The following DOCK1 variants were observed in gnomAD, a reference collection of about 807,000 sequenced individuals.
DOCK1 encodes the protein dedicator of cytokinesis protein 1.
DOCK1 carries 138 observed loss-of-function variants against 262.7 expected under a neutral mutation model. The observed-to-expected ratio is 0.53, with a 90% CI of 0.46 to 0.61. DOCK1 has a LOEUF of 0.61. Among genes scored for constraint, DOCK1 ranks in the 20% least tolerant of loss-of-function variants. The pLI, the probability that DOCK1 is intolerant of heterozygous loss-of-function variation, is 0.00. For synonymous variants in DOCK1, 866 were observed against 867.4 expected, an observed-to-expected ratio of 1.00 and a Z score of 0.03; for missense variants, 1,908 against 2,370.7, an observed-to-expected ratio of 0.80 and a Z score of 4.05.
intron 32 of DOCK1, 50 bp downstream of exon 32, chr10:127,354,777 G>A (rs1311472119): frequency 6.2e-7 from 1 of 1,610,632 alleles, no homozygotes; most frequent in Admixed American, 1.7e-5. Context: ...ATCCCTGGTG[G>A]GTCATGGCAC....
At chr10:127,408,966 C>T in intron 40 of DOCK1, 71 bp from the exon 41 acceptor site, 1 of 1,490,266 alleles carries the variant, frequency 6.7e-7, no homozygotes, top group Non-Finnish European at 8.9e-7. Context: ...ATTTTAAGGC[C>T]AGCATATTGC....
intron 1 of DOCK1, among the ~76,000 whole-genome samples, chr10:126,930,042 T>A (rs918084073): frequency 1.3e-5 from 2 of 152,212 alleles, no homozygotes; most frequent in Non-Finnish European, 2.9e-5. Flanking sequence ...TCCTGGTTAG[T>A]TCATAAAAAT....
chr10:127,384,970 G>T, intron 38 of DOCK1, 61 bp downstream of exon 38: 1 of 1,442,156 alleles, frequency 6.9e-7, no homozygotes, highest in Non-Finnish European at 9.1e-7. Context: ...CTGCAGTGTT[G>T]TAAACACGTT....
chr10:127,293,946 T>C (rs935774560), intron 29 of DOCK1, among the ~76,000 whole-genome samples: 17 of 152,328 alleles, frequency 1.1e-4, no homozygotes, highest in Admixed American at 9.8e-4. Context: ...ACCCGCCTAG[T>C]CATCTGATCT....
At chr10:127,081,701 A>G (rs1449498248) in intron 23 of DOCK1, among the ~76,000 whole-genome samples, 4 of 152,178 alleles carry the variant, frequency 2.6e-5, no homozygotes, top group Non-Finnish European at 4.4e-5. Flanking sequence ...GTCCTGGTTC[A>G]GAACAGGCAG....
chr10:126,962,056 G>A (rs1339877053), intron 1 of DOCK1, among the ~76,000 whole-genome samples: 3 of 152,116 alleles, frequency 2.0e-5, no homozygotes, highest in Non-Finnish European at 4.4e-5. Flanking sequence ...GGGGTGCAGT[G>A]GTGCGCTCTC....
intron 2 of DOCK1, among the ~76,000 whole-genome samples, chr10:126,977,315 A>G (rs1055928854): frequency 6.6e-6 from 1 of 151,534 alleles, no homozygotes; most frequent in African/African-American, 2.4e-5. Flanking sequence ...TGCTCTCACT[A>G]TTTTCTTTCT....
chr10:127,102,042 C>T (rs1047945413), intron 23 of DOCK1, among the ~76,000 whole-genome samples: 2 of 152,052 alleles, frequency 1.3e-5, no homozygotes, highest in Non-Finnish European at 2.9e-5. Context: ...CCAAAGCAGA[C>T]GGTTGGGATC....
At chr10:127,316,829 A>G (rs2062304000) in intron 29 of DOCK1, among the ~76,000 whole-genome samples, 1 of 152,166 alleles carries the variant, frequency 6.6e-6, no homozygotes, top group Non-Finnish European at 1.5e-5. Context: ...ACTGGATCCC[A>G]GGTACACTCG....
chr10:127,403,576 G>C (rs201299777), intron 39 of DOCK1, among the ~76,000 whole-genome samples: 1 of 152,166 alleles, frequency 6.6e-6, no homozygotes, highest in African/African-American at 2.4e-5. Flanking sequence ...TGGCTAACAC[G>C]GTGAAACCCC....
chr10:127,242,283 G>A lies in DOCK1; in HGVS notation c.2848-5725G>A, dbSNP rs551878407. Among the ~76,000 whole-genome samples the A allele has an allele frequency of 8.5e-5, 13 of 152,312 alleles. No individual in the cohort carries two copies. The South Asian group carries it at 2.3e-3, about 27-fold the overall frequency. On this transcript the variant is annotated intron_variant, in intron 27 of 51. Coordinates refer to ENST00000623213, the MANE Select transcript of DOCK1 (RefSeq NM_001290223.2). ...GTATATTTTGAAAAACTTCAGCTCTGTGCAGACTTTGCAGGAGTTTGGGGC... is the reference window on the plus strand; with the variant it reads ...GTATATTTTGAAAAACTTCAGCTCTATGCAGACTTTGCAGGAGTTTGGGGC...
intron 35 of DOCK1, among the ~76,000 whole-genome samples, chr10:127,377,109 A>G (rs1251543548): frequency 2.0e-5 from 3 of 152,200 alleles, no homozygotes; most frequent in Non-Finnish European, 4.4e-5. Flanking sequence ...TGAAAAATCA[A>G]ATGTTCTGCT....
At position 127,403,090 on chromosome 10, in the gene DOCK1, A is replaced by G; in HGVS notation, c.3963A>G (p.Leu1321=). Residue 1321 remains leucine, a synonymous_variant, in exon 39 of 52, where the codon CTA becomes CTG. Coordinates refer to ENST00000623213, the MANE Select transcript of DOCK1 (RefSeq NM_001290223.2). ...WEEAIALGKE[L]AEQYENEMFD... ...AGGCCATTGCCTTGGGCAAGGAGCT[A>G]GCCGAGCAGTATGAGAACGAAATGT... 1 of 1,613,118 alleles carries G rather than the reference A, an allele frequency of 6.2e-7. No homozygotes were observed. The highest frequency in any genetic ancestry group is 1.3e-5 in the African/African-American group (1 of 75,064).
chr10:127,308,656 A>G (rs1304719420), intron 29 of DOCK1, among the ~76,000 whole-genome samples: 1 of 151,560 alleles, frequency 6.6e-6, no homozygotes, highest in Non-Finnish European at 1.5e-5. Context: ...TCATTGTTCA[A>G]CTCCCACTTA....
intron 46 of DOCK1, among the ~76,000 whole-genome samples, chr10:127,421,317 T>G (rs2068494624): frequency 6.6e-6 from 1 of 152,212 alleles, no homozygotes; most frequent in African/African-American, 2.4e-5. Context: ...GGAGCAAGGC[T>G]GAGCTTTGGT....
At chr10:126,950,128 T>C (rs2036077043) in intron 1 of DOCK1, among the ~76,000 whole-genome samples, 2 of 152,048 alleles carry the variant, frequency 1.3e-5, no homozygotes, top group African/African-American at 4.8e-5. Context: ...GATAATGAAA[T>C]TAGATAAATT....
chr10:127,123,936 C>T (rs1324541169), intron 25 of DOCK1, among the ~76,000 whole-genome samples: 1 of 152,220 alleles, frequency 6.6e-6, no homozygotes, highest in Non-Finnish European at 1.5e-5. Flanking sequence ...CAGGTACATT[C>T]TTATTTTCCT....
rs184591766 is a variant in DOCK1 at position 127,175,872 on chromosome 10, A to G, written c.2847+48108A>G. 1.2e-6 allele frequency: 2 copies of G among 1,614,154 alleles called. No individual in the cohort carries two copies. The highest frequency in any genetic ancestry group is 2.7e-5 in the African/African-American group (2 of 75,028). On this transcript the variant is annotated intron_variant, in intron 27 of 51. Coordinates refer to ENST00000623213, the MANE Select transcript of DOCK1 (RefSeq NM_001290223.2). This position sits in a 1 kb window ranked among gnomAD's most constrained non-coding sequence, Gnocchi z 6.3. ...TGTGTTCATGTGTTGGTTGGAATGG[A>G]AAACCAAGGCTGTGGTCTTGTGCAC...
At chr10:127,210,474 GGT>G (rs909133842) in intron 27 of DOCK1, among the ~76,000 whole-genome samples, 1 of 152,206 alleles carries the variant, frequency 6.6e-6, no homozygotes, top group African/African-American at 2.4e-5. Flanking sequence ...CTGTGATTAC[GGT>G]GGAATAACTC....
Sources: allele counts gnomAD v4.1 joint callset (sites outside exome capture counted in the v4.1 genomes callset), GRCh38; gene constraint gnomAD v4.1.1; non-coding constraint Gnocchi (gnomAD v3.1); transcripts MANE v1.5; gene names NCBI Gene and HGNC (gene_info 2026-07-23, HGNC 2026-07-21).